Variants in KLF12 observed in about 807,000 individuals in gnomAD.
KLF12 encodes the protein KLF transcription factor 12.
In KLF12, 9 loss-of-function variants were observed where a neutral mutation model predicts 37.8. The ratio of observed to expected loss-of-function variants is 0.24; its 90% CI spans 0.14 to 0.42. The LOEUF is 0.42. KLF12 is among the 10% of genes least tolerant of loss of function. KLF12 has a pLI of 1.00. For synonymous variants in KLF12, 208 were observed against 202.1 expected (o/e 1.03, Z -0.25); for missense variants, 411 against 516.0 (o/e 0.80, Z 1.97).
chr13:73,995,337 G>T (rs1424603374), intron 1 of KLF12, among the ~76,000 whole-genome samples: 1 of 151,944 alleles, frequency 6.6e-6, no homozygotes. Context: ...GGGAGGAGGA[G>T]AATAAAAAGA....
intron 5 of KLF12, among the ~76,000 whole-genome samples, chr13:73,812,158 A>G (rs4883951): frequency 0.33 from 49,515 of 151,788 alleles, 8,407 homozygotes; most frequent in East Asian, 0.63. Flanking sequence ...GACACTACTT[A>G]TATGTGGAAG....
intron 7 of KLF12, among the ~76,000 whole-genome samples, chr13:73,707,471 G>A (rs983447537): frequency 3.9e-5 from 6 of 152,068 alleles, no homozygotes; most frequent in Non-Finnish European, 8.8e-5. Flanking sequence ...TCATATTCAT[G>A]AGCTATTTGA....
At chr13:73,996,490 G>C (rs966923171) in intron 1 of KLF12, among the ~76,000 whole-genome samples, 1 of 152,132 alleles carries the variant, frequency 6.6e-6, no homozygotes, top group African/African-American at 2.4e-5. Context: ...ATTTTTCACA[G>C]GGTAGTTCTA....
chr13:74,053,145 AATT>A (rs1235885911), intron 1 of KLF12, among the ~76,000 whole-genome samples: 1 of 152,202 alleles, frequency 6.6e-6, no homozygotes, highest in African/African-American at 2.4e-5. Flanking sequence ...TACCTAAAAT[AATT>A]AAGAATAAAT....
At chr13:73,933,116 A>G (rs536475361) in intron 3 of KLF12, among the ~76,000 whole-genome samples, 4 of 152,258 alleles carry the variant, frequency 2.6e-5, no homozygotes, top group African/African-American at 9.6e-5. Context: ...CATCTACTCA[A>G]AGGATTACTA....
intron 5 of KLF12, among the ~76,000 whole-genome samples, chr13:73,774,214 A>G (rs550985592): frequency 4.7e-4 from 71 of 152,104 alleles, no homozygotes; most frequent in African/African-American, 1.7e-3. Context: ...TGTTGCTGCA[A>G]TAATTTGGAA....
intron 1 of KLF12, among the ~76,000 whole-genome samples, chr13:74,003,016 T>C (rs1361360516): frequency 6.6e-6 from 1 of 152,234 alleles, no homozygotes; most frequent in Non-Finnish European, 1.5e-5. Flanking sequence ...CTAGGTACTT[T>C]TACATATATT....
chr13:74,114,448 A>G (rs907242776), intron 1 of KLF12, among the ~76,000 whole-genome samples: 2 of 152,042 alleles, frequency 1.3e-5, no homozygotes, highest in Non-Finnish European at 2.9e-5. Flanking sequence ...CTTTATTGAG[A>G]TATTTGCTTT....
chr13:74,256,237 C>G, the KLF12 span, among the ~76,000 whole-genome samples: 3 of 151,404 alleles, frequency 2.0e-5, no homozygotes, highest in Admixed American at 1.3e-4. Flanking sequence ...TCGGCTAACA[C>G]TGGAATCAGC....
intron 2 of KLF12, among the ~76,000 whole-genome samples, chr13:73,951,582 T>C (rs370729347): frequency 5.3e-5 from 8 of 152,218 alleles, no homozygotes; most frequent in African/African-American, 1.9e-4. Flanking sequence ...TCCTGATATA[T>C]CAAGAGACCA....
At chr13:74,162,677 T>C in the KLF12 span, among the ~76,000 whole-genome samples, 1 of 152,154 alleles carries the variant, frequency 6.6e-6, no homozygotes, top group Non-Finnish European at 1.5e-5. Context: ...AGCATGTACA[T>C]AGTTTTTATT....
chr13:73,781,305 G>A (rs1880951174), intron 5 of KLF12, among the ~76,000 whole-genome samples: 1 of 152,172 alleles, frequency 6.6e-6, no homozygotes. Context: ...TGTGTGGCTT[G>A]CCTTGTGATA....
intron 2 of KLF12, among the ~76,000 whole-genome samples, chr13:73,993,886 CT>C (rs34938457): frequency 0.33 from 50,480 of 152,024 alleles, 10,192 homozygotes; most frequent in East Asian, 0.62. Context: ...CAGAGAACCA[CT>C]TTACTAACAC....
chr13:74,210,094 C>A, the KLF12 span, among the ~76,000 whole-genome samples: 1 of 152,068 alleles, frequency 6.6e-6, no homozygotes, highest in South Asian at 2.1e-4. Flanking sequence ...AGATACCTGG[C>A]AAAACTCAAA....
intron 2 of KLF12, among the ~76,000 whole-genome samples, chr13:73,974,913 A>G (rs1205596552): frequency 6.6e-6 from 1 of 152,198 alleles, no homozygotes; most frequent in Non-Finnish European, 1.5e-5. Flanking sequence ...AGAGCACAGT[A>G]CAGGTTTCTT....
At chr13:74,264,323 C>A in the KLF12 span, among the ~76,000 whole-genome samples, 2 of 152,130 alleles carry the variant, frequency 1.3e-5, no homozygotes, top group Non-Finnish European at 2.9e-5. Flanking sequence ...GGAACTTTAC[C>A]TGATGATGCT....
intron 3 of KLF12, among the ~76,000 whole-genome samples, chr13:73,928,738 G>A (rs895140413): frequency 5.3e-5 from 8 of 152,096 alleles, no homozygotes; most frequent in Non-Finnish European, 8.8e-5. Flanking sequence ...TTGCCACTTT[G>A]TATCACAAAA....
chr13:73,802,803 T>C (rs1158244290), intron 5 of KLF12, among the ~76,000 whole-genome samples: 2 of 152,220 alleles, frequency 1.3e-5, no homozygotes, highest in African/African-American at 2.4e-5. Flanking sequence ...CACAATTTCA[T>C]TCTTTTTTAT....
At chr13:73,922,728 C>T (rs1326704771) in intron 3 of KLF12, among the ~76,000 whole-genome samples, 2 of 152,218 alleles carry the variant, frequency 1.3e-5, no homozygotes, top group African/African-American at 4.8e-5. Flanking sequence ...ACTTTCTGCA[C>T]TGTCCTAGGT....
Sources: gnomAD v4.1 joint callset for allele counts (sites outside exome capture counted in the v4.1 genomes callset) on GRCh38, gnomAD v4.1.1 for gene constraint, MANE v1.5 for transcripts, NCBI Gene and HGNC (gene_info 2026-07-23, HGNC 2026-07-21) for gene names.